Variants in ATRNL1 observed in about 807,000 individuals in gnomAD.
The protein encoded by ATRNL1 is attractin like 1.
Under a neutral mutation model 182.7 loss-of-function variants are expected in ATRNL1, and 95 were observed. That is an observed-to-expected ratio of 0.52 (90% CI 0.44 to 0.62). The LOEUF (loss-of-function observed/expected upper bound fraction) is 0.62, where lower values mean the gene tolerates loss of function less well. Ranked by LOEUF, ATRNL1 falls within the 20% of genes least tolerant of loss-of-function variation. The pLI is 0.00. For synonymous variants in ATRNL1, 576 were observed against 568.3 expected (o/e 1.01, Z -0.19); for missense variants, 1,471 against 1,679.5 (o/e 0.88, Z 2.17).
chr10:115,767,631 G>A (rs1948889710), intron 27 of ATRNL1, among the ~76,000 whole-genome samples: 1 of 152,062 alleles, frequency 6.6e-6, no homozygotes, highest in Admixed American at 6.6e-5. Flanking sequence ...TGTTCATCAT[G>A]TTTTTCTCCC....
chr10:115,527,693 A>G (rs1851295149), intron 25 of ATRNL1, among the ~76,000 whole-genome samples: 1 of 152,126 alleles, frequency 6.6e-6, no homozygotes, highest in South Asian at 2.1e-4. Context: ...TCATTGACAT[A>G]TTTACAATAT....
intron 28 of ATRNL1, among the ~76,000 whole-genome samples, chr10:115,912,006 A>C (rs1952694214): frequency 6.6e-6 from 1 of 152,164 alleles, no homozygotes; most frequent in Non-Finnish European, 1.5e-5. Context: ...CGCTAACACA[A>C]GACTATTCAA....
At chr10:115,868,975 G>A (rs919923033) in intron 28 of ATRNL1, among the ~76,000 whole-genome samples, 13 of 151,672 alleles carry the variant, frequency 8.6e-5, no homozygotes, top group African/African-American at 2.2e-4. Flanking sequence ...GAGTACAGGC[G>A]CCCGCCACCA....
rs2084937342 is a variant in ATRNL1, at chr10:115,093,794, C to T, written c.44C>T (p.Ala15Val). The T allele has an allele frequency of 7.0e-7, 1 of 1,431,718 alleles. No homozygotes were observed. The highest frequency in any genetic ancestry group is 9.1e-7 in the Non-Finnish European group (1 of 1,098,784). 88.7% of individuals were successfully genotyped at this position (1,431,718 alleles called of 1,614,324 possible). A position where few individuals can be genotyped will look rare whatever the true frequency, so the allele number is the denominator to read the frequency against. Residue 15 changes from alanine to valine, a missense_variant, in exon 1 of 29, where the codon GCG (alanine) becomes GTG (valine). Physicochemically the swap from Ala to Val is moderately conservative, Grantham distance 64. Transcript: ENST00000355044. The surrounding 1 kb of genome is among the most constrained non-coding windows in gnomAD (Gnocchi z 6.1). ...GRARTGTPQP[A>V]APGVWRARPA... Reference sequence around the variant, plus strand: ...GCCCGCACTGGTACCCCGCAGCCAGCGGCCCCGGGGGTGTGGAGGGCTCGG... The same window carrying T: ...GCCCGCACTGGTACCCCGCAGCCAGTGGCCCCGGGGGTGTGGAGGGCTCGG...
At chr10:115,539,772 G>T (rs531366054) in intron 25 of ATRNL1, among the ~76,000 whole-genome samples, 21 of 152,230 alleles carry the variant, frequency 1.4e-4, no homozygotes, top group Non-Finnish European at 2.6e-4. Context: ...CAAGGGAAGG[G>T]AATATTCCTC....
chr10:115,278,972 G>C (rs1215390321), intron 13 of ATRNL1, among the ~76,000 whole-genome samples: 1 of 152,042 alleles, frequency 6.6e-6, no homozygotes, highest in Non-Finnish European at 1.5e-5. Context: ...GGAGGCCAAG[G>C]CAGGTGGATC....
At chr10:115,819,935 G>A (rs1314146440) in intron 27 of ATRNL1, 5 of 152,018 alleles carry the variant, frequency 3.3e-5, no homozygotes, top group African/African-American at 9.6e-5. Flanking sequence ...GGCTAAGGTG[G>A]AGGAATAGGA....
chr10:115,107,622 G>T (rs1353456846), intron 1 of ATRNL1, among the ~76,000 whole-genome samples: 1 of 152,162 alleles, frequency 6.6e-6, no homozygotes, highest in Admixed American at 6.5e-5. Flanking sequence ...TGCTCCCATG[G>T]CCCTATTAGG....
intron 26 of ATRNL1, among the ~76,000 whole-genome samples, chr10:115,583,657 C>A (rs1373791705): frequency 6.9e-6 from 1 of 145,560 alleles, no homozygotes; most frequent in African/African-American, 2.4e-5. Context: ...TGGGCTGAGA[C>A]AATGGGGTTT....
At chr10:115,860,808 C>T (rs1413944557) in intron 28 of ATRNL1, among the ~76,000 whole-genome samples, 3 of 152,140 alleles carry the variant, frequency 2.0e-5, no homozygotes, top group African/African-American at 7.2e-5. Flanking sequence ...TGTTCTCTTT[C>T]TTCTTGTTCT....
At chr10:115,807,929 G>T (rs1001538374) in intron 27 of ATRNL1, among the ~76,000 whole-genome samples, 4 of 152,040 alleles carry the variant, frequency 2.6e-5, no homozygotes, top group African/African-American at 9.7e-5. Context: ...TTAATTTCCC[G>T]AGTTAATTAA....
chr10:115,872,968 CTATT>C (rs1221445222), intron 28 of ATRNL1, among the ~76,000 whole-genome samples: 3 of 152,240 alleles, frequency 2.0e-5, no homozygotes, highest in Admixed American at 1.3e-4. Context: ...GCTGAACACA[CTATT>C]TATTGAGCAT....
intron 26 of ATRNL1, among the ~76,000 whole-genome samples, chr10:115,577,259 G>T (rs1442490978): frequency 6.6e-6 from 1 of 151,654 alleles, no homozygotes; most frequent in African/African-American, 2.4e-5. Context: ...CTATTTCTAT[G>T]AAAAATATCT....
chr10:115,396,949 A>G (rs1554955777), intron 20 of ATRNL1, among the ~76,000 whole-genome samples: 1 of 151,926 alleles, frequency 6.6e-6, no homozygotes, highest in African/African-American at 2.4e-5. Flanking sequence ...GTTCTCATTT[A>G]TGGCTTTTTA....
intron 26 of ATRNL1, among the ~76,000 whole-genome samples, chr10:115,658,878 C>T (rs1157213743): frequency 6.6e-6 from 1 of 152,108 alleles, no homozygotes; most frequent in East Asian, 1.9e-4. Flanking sequence ...GTGGCGGCCT[C>T]GGGAAACTTA....
chr10:115,775,950 C>A (rs1949113754), intron 27 of ATRNL1, among the ~76,000 whole-genome samples: 1 of 88,820 alleles, frequency 1.1e-5, no homozygotes, highest in South Asian at 5.0e-4. Flanking sequence ...GAGAGTGAAA[C>A]TCCATTCTCA....
intron 28 of ATRNL1, among the ~76,000 whole-genome samples, chr10:115,869,846 CAT>C (rs1213386177): frequency 7.9e-5 from 12 of 151,930 alleles, no homozygotes; most frequent in Admixed American, 7.9e-4. Context: ...AGTATTTCTC[CAT>C]GTCATTAAAA....
Position 115,265,200 on chromosome 10 carries a change from T to G in ATRNL1, c.1695T>G (p.Asp565Glu), listed in dbSNP as rs891118255. 7 of 1,601,554 alleles carry G rather than the reference T, an allele frequency of 4.4e-6. No homozygotes were observed. Among genetic ancestry groups the G allele is most frequent in the Non-Finnish European group, 6.0e-6 (7 of 1,171,578 alleles). The change falls in exon 11 of 29, where the codon GAT (aspartate) becomes GAG (glutamate). Residue 565 changes from aspartate (D) to glutamate (E), a missense_variant. Asp to Glu is a conservative substitution (Grantham distance 45). Transcript: ENST00000355044. ...CTGTTTTCTTTTTTCTAGCTTGTGA[T>G]GAATGGAAAATACTACCAAAACCAA... ...ADFLAYDIACDEWKILPKPNL... is the reference protein window; with the variant it reads ...ADFLAYDIACEEWKILPKPNL...
intron 27 of ATRNL1, among the ~76,000 whole-genome samples, chr10:115,733,760 T>A (rs1947868952): frequency 6.6e-6 from 1 of 152,204 alleles, no homozygotes; most frequent in Non-Finnish European, 1.5e-5. Flanking sequence ...TATAGCTGAT[T>A]TGTGATATTT....
Sources: allele counts gnomAD v4.1 joint callset (sites outside exome capture counted in the v4.1 genomes callset), GRCh38; gene constraint gnomAD v4.1.1; non-coding constraint Gnocchi (gnomAD v3.1); transcripts MANE v1.5; gene names NCBI Gene and HGNC (gene_info 2026-07-23, HGNC 2026-07-21).